DNAH2: variants seen among roughly 807,000 people sequenced by gnomAD.
DNAH2 encodes dynein axonemal heavy chain 2.
A neutral mutation model predicts 523.5 loss-of-function variants in DNAH2; 323 were observed. The ratio of observed to expected loss-of-function variants is 0.62; its 90% CI spans 0.56 to 0.68. The LOEUF (loss-of-function observed/expected upper bound fraction) is 0.68, where lower values mean the gene tolerates loss of function less well. DNAH2 is among the 30% of genes least tolerant of loss of function. The pLI, the probability that DNAH2 is intolerant of heterozygous loss-of-function variation, is 0.00. For missense variants in DNAH2, 4,907 were observed against 5,701.5 expected (o/e 0.86, Z 4.49); for synonymous variants, 2,093 against 2,177.4 (o/e 0.96, Z 1.08).
Position 7,774,932 on chromosome 17 carries a change from C to A in DNAH2, c.4675C>A (p.Leu1559Ile). ...AAACCCAGAGGCTGTGCAGCCACAC[C>A]TCAAAAAATGCTTTGACAACATCAA... ...SRNPEAVQPH[L>I]KKCFDNIKLL... Residue 1559 changes from leucine to isoleucine, a missense_variant, in exon 29 of 86, where the codon CTC becomes ATC. Around this residue, in one of 3 missense-constraint regions of DNAH2, gnomAD observed 2,806 missense variants for 3,190.8 expected, o/e 0.88. Coordinates refer to ENST00000572933, the MANE Select transcript of DNAH2 (RefSeq NM_020877.5). The A allele has an allele frequency of 6.2e-7, 1 of 1,614,064 alleles. No homozygotes were observed. Among genetic ancestry groups the A allele is most frequent in the Non-Finnish European group, 8.5e-7 (1 of 1,180,016 alleles).
intron 5 of DNAH2, 25 bp from the exon 6 acceptor site, chr17:7,734,158 C>T (rs578191731): frequency 6.4e-7 from 1 of 1,561,414 alleles, no homozygotes; most frequent in East Asian, 2.4e-5. Flanking sequence ...CCTCTGTCCA[C>T]TTCCACAAAC....
At chr17:7,725,634 C>T (rs746593385) in intron 3 of DNAH2, among the ~76,000 whole-genome samples, 155 of 148,818 alleles carry the variant, frequency 1.0e-3, no homozygotes, top group Non-Finnish European at 2.0e-3. Context: ...CAGGGTTTCA[C>T]CATGTTGGCC....
Position 7,770,387 on chromosome 17 carries a change from T to G in DNAH2, c.4077T>G (p.Thr1359=), listed in dbSNP as rs980405470. 1.4e-5 allele frequency: 23 copies of G among 1,613,538 alleles called. No individual in the cohort carries two copies. The highest frequency in any genetic ancestry group is 1.9e-5 in the Non-Finnish European group (22 of 1,179,704). ...TTGGGGAGATCTCTGCTTCAGCAAC[T>G]AAAGAGCTGGCTATAGAAGTGGTAC... ...EKIGEISASA[T]KELAIEVALQ... Residue 1359 remains threonine (T), a synonymous_variant, in exon 25 of 86, where the codon ACT becomes ACG. Coordinates refer to ENST00000572933, the MANE Select transcript of DNAH2 (RefSeq NM_020877.5).
At position 7,723,359 on chromosome 17, in the gene DNAH2, G is replaced by C. The variant is rs377617245; in HGVS notation, c.167-269G>C. 5.0e-4 allele frequency among the ~76,000 whole-genome samples: 68 copies of C among 136,934 alleles called. 2 individuals are homozygous for C. The South Asian group carries it at 0.015, about 30-fold the overall frequency. The allele number at this position is 136,934 out of a possible 152,430, so 89.8% of individuals were successfully genotyped here. A position where few individuals can be genotyped will look rare whatever the true frequency, so the allele number is the denominator to read the frequency against. ...ACGATTATGGCTCACTGCAACCTCT[G>C]CCTCCTGGGTTCAGGTGATTCTCCT... On this transcript the variant is annotated intron_variant, in intron 2 of 85. Transcript: ENST00000572933.
chr17:7,787,287 C>A, intron 42 of DNAH2: 1 of 546,830 alleles, frequency 1.8e-6, no homozygotes, highest in Non-Finnish European at 3.2e-6. Context: ...CTCCTCGGCT[C>A]GTTCTCACGG....
chr17:7,792,048 C>A lies in DNAH2; in HGVS notation c.7032C>A (p.Ile2344=). ...GGATCGACAGCTACCTCCGAGAGAT[C>A]GAGGGCTCCTTTCCCAATAAGGTTG... ...RKRIDSYLRE[I]EGSFPNKDTV... is the part of the protein sequence containing the mutation. The change falls in exon 45 of 86, where the codon ATC becomes ATA. Residue 2344 remains isoleucine (I), a synonymous_variant. Coordinates refer to ENST00000572933, the MANE Select transcript of DNAH2 (RefSeq NM_020877.5). 6.2e-7 allele frequency: 1 copy of A among 1,613,676 alleles called. No individual in the cohort carries two copies. The highest frequency in any genetic ancestry group is 8.5e-7 in the Non-Finnish European group (1 of 1,179,924).
chr17:7,752,603 A>G (rs945767500), intron 12 of DNAH2, among the ~76,000 whole-genome samples: 9 of 152,000 alleles, frequency 5.9e-5, no homozygotes, highest in African/African-American at 1.9e-4. Flanking sequence ...CCAGCTACTC[A>G]GGAGGCTGAG....
chr17:7,742,883 G>GACCACTAAAAA, intron 11 of DNAH2, 45 bp from the exon 12 acceptor site: 1 of 1,323,124 alleles, frequency 7.6e-7, no homozygotes, highest in Non-Finnish European at 9.8e-7. Flanking sequence ...GCCCCTGGAG[G>GACCACTAAAAA]AAGGTGGCAG....
intron 77 of DNAH2, among the ~76,000 whole-genome samples, chr17:7,826,888 A>T (rs891119806): frequency 1.3e-5 from 2 of 152,048 alleles, no homozygotes; most frequent in African/African-American, 4.8e-5. Context: ...TTGAAGTCCC[A>T]GTGTGCCTCT....
At chr17:7,734,795 C>A in intron 7 of DNAH2, 87 bp downstream of exon 7, 1 of 1,404,654 alleles carries the variant, frequency 7.1e-7, no homozygotes, top group Non-Finnish European at 9.9e-7. Context: ...GAGAGGGAGC[C>A]AAGGCAATCT....
intron 77 of DNAH2, among the ~76,000 whole-genome samples, chr17:7,829,818 A>C (rs1274737436): frequency 2.6e-5 from 4 of 151,840 alleles, no homozygotes; most frequent in Non-Finnish European, 5.9e-5. Context: ...TGAGGTCACG[A>C]GTTTGAGACC....
chr17:7,809,437 TCTCTGCAC>T (rs1304113858), intron 63 of DNAH2, among the ~76,000 whole-genome samples: 2 of 152,104 alleles, frequency 1.3e-5, no homozygotes, highest in Non-Finnish European at 2.9e-5. Context: ...ACGGGGCTTC[TCTCTGCAC>T]CTCTGCACCT....
chr17:7,779,097 C>G, intron 35 of DNAH2, 146 bp from the exon 36 acceptor site: 1 of 841,816 alleles, frequency 1.2e-6, no homozygotes, highest in Non-Finnish European at 1.8e-6. Context: ...GAAGCTACAA[C>G]AGTGTACTCT....
At chr17:7,805,539 C>T in intron 61 of DNAH2, 146 bp downstream of exon 61, 1 of 1,220,828 alleles carries the variant, frequency 8.2e-7, no homozygotes, top group Non-Finnish European at 1.1e-6. Context: ...AAGGAGACCG[C>T]ATGAATATCA....
chr17:7,793,528 T>TCTCTTTC (rs2076978393), intron 48 of DNAH2, among the ~76,000 whole-genome samples: 1 of 140,750 alleles, frequency 7.1e-6, no homozygotes, highest in Non-Finnish European at 1.6e-5. Context: ...CTCTTTCTCT[T>TCTCTTTC]TCTTTCTTTT....
At chr17:7,767,879 A>G (rs776021059) in intron 22 of DNAH2, 21 bp from the exon 23 acceptor site, 6 of 1,613,744 alleles carry the variant, frequency 3.7e-6, no homozygotes, top group Non-Finnish European at 5.1e-6. Context: ...ACTTCATGCA[A>G]CGCGCCTTTC....
rs927781138 is a variant in DNAH2 at position 7,758,897 on chromosome 17, G to A, written c.2221G>A (p.Val741Met). 2 of 1,614,090 alleles carry A rather than the reference G, an allele frequency of 1.2e-6. No homozygotes were observed. Among genetic ancestry groups the A allele is most frequent in the African/African-American group, 1.3e-5 (1 of 75,054 alleles). The change falls in exon 15 of 86, where the codon GTG becomes ATG. Residue 741 changes from valine to methionine, a missense_variant. By Grantham distance (21) the Val-to-Met change is conservative (BLOSUM62 1). Transcript: ENST00000572933. ...GGCCTGACTCTAGGTGCAGATGATT[G>A]TGAATGAGTTCAAGGCATCCACTCT... is the stretch of plus-strand genomic sequence containing the variant. ...RIHASKVQMI[V>M]NEFKASTLTI...
In DNAH2 at chr17:7,779,239, G is replaced by A. The variant is rs1158605683; in HGVS notation, c.5542-4G>A. On this transcript the variant is annotated splice_polypyrimidine_tract_variant and splice_region_variant and intron_variant, in intron 35 of 85. Coordinates refer to ENST00000572933, the MANE Select transcript of DNAH2 (RefSeq NM_020877.5). ...TCCCAGTGACTCTGCCTTGCACCCC[G>A]CAGACTGGAGCTTGGGGCTGCTTTG... 8.7e-6 allele frequency: 14 copies of A among 1,613,536 alleles called. No individual in the cohort carries two copies. The highest frequency in any genetic ancestry group is 5.0e-5 in the Admixed American group (3 of 60,008).
Position 7,780,653 on chromosome 17 carries a change from A to G in DNAH2, c.5874A>G (p.Thr1958=). The G allele has an allele frequency of 6.2e-7, 1 of 1,613,908 alleles. No individual in the cohort carries two copies. The highest frequency in any genetic ancestry group is 8.5e-7 in the Non-Finnish European group (1 of 1,179,990). Residue 1958 remains threonine, a synonymous_variant, in exon 38 of 86, where the codon ACA becomes ACG. Transcript: ENST00000572933. The surrounding 1 kb of genome is among the most constrained non-coding windows in gnomAD (Gnocchi z 4.4). ...NCKILAKKVY[T]LYSLAVQQLS... ...AGATTCTGGCCAAGAAGGTGTACAC[A>G]CTCTACTCACTGGCTGTGCAGCAGC...
Sources: gnomAD v4.1 joint callset for allele counts (sites outside exome capture counted in the v4.1 genomes callset) on GRCh38, gnomAD v4.1.1 for gene constraint, gnomAD v4.1.1 regional missense constraint, Gnocchi (gnomAD v3.1) non-coding constraint, MANE v1.5 for transcripts, NCBI Gene and HGNC (gene_info 2026-07-23, HGNC 2026-07-21) for gene names.